ATAD2B: variants seen among roughly 807,000 people sequenced by gnomAD.
ATAD2B encodes the protein ATPase family AAA domain containing 2B, also known as ATPase family AAA domain-containing protein 2B.
Under a neutral mutation model 167.6 loss-of-function variants are expected in ATAD2B, and 40 were observed. The ratio of observed to expected loss-of-function variants is 0.24; its 90% CI spans 0.19 to 0.31. The LOEUF is 0.31. ATAD2B is among the 10% of genes least tolerant of loss of function. The pLI is 1.00. For missense variants in ATAD2B, 1,242 were observed against 1,757.2 expected, an observed-to-expected ratio of 0.71 and a Z score of 5.24; for synonymous variants, 579 against 596.5, an observed-to-expected ratio of 0.97 and a Z score of 0.43.
At chr2:23,839,018 A>G (rs1690457020) in intron 13 of ATAD2B, among the ~76,000 whole-genome samples, 1 of 152,166 alleles carries the variant, frequency 6.6e-6, no homozygotes, top group Admixed American at 6.5e-5. Context: ...TCTTAGACTT[A>G]CTCATAGAAA....
the ATAD2B span, among the ~76,000 whole-genome samples, chr2:23,722,016 T>A: frequency 2.0e-5 from 3 of 152,350 alleles, no homozygotes; most frequent in African/African-American, 7.2e-5. Context: ...AGAAACTATA[T>A]GAGGACTACA....
Position 23,751,725 on chromosome 2 carries a change from G to A in ATAD2B, c.*321C>T. On this transcript the variant is annotated 3_prime_UTR_variant, in exon 28 of 28. Coordinates refer to ENST00000238789, the MANE Select transcript of ATAD2B (RefSeq NM_017552.4). ...GTTTGCTGGTCTGCTCCCTAAGAGA[G>A]GAGTCTCCAAAAGAGAGTGCACAAA... 3 of 327,630 alleles carry A rather than the reference G, an allele frequency of 9.2e-6. No individual in the cohort carries two copies. The highest frequency in any genetic ancestry group is 8.7e-5 in the South Asian group (2 of 23,048). 20.3% of individuals were successfully genotyped at this position (327,630 alleles called of 1,614,324 possible). A position where few individuals can be genotyped will look rare whatever the true frequency, so the allele number is the denominator to read the frequency against.
chr2:23,823,941 C>A (rs1158584459), intron 15 of ATAD2B, among the ~76,000 whole-genome samples: 2 of 148,024 alleles, frequency 1.4e-5, no homozygotes, highest in African/African-American at 5.0e-5. Context: ...TTTTAAGAGA[C>A]AGGGTCTCAA....
intron 12 of ATAD2B, among the ~76,000 whole-genome samples, chr2:23,858,538 C>A (rs574043851): frequency 6.3e-5 from 9 of 143,264 alleles, no homozygotes; most frequent in African/African-American, 2.1e-4. Context: ...GTCACTCAGG[C>A]TTGAGTGCAG....
At chr2:23,847,609 C>T (rs1691868622) in intron 13 of ATAD2B, among the ~76,000 whole-genome samples, 1 of 151,778 alleles carries the variant, frequency 6.6e-6, no homozygotes, top group African/African-American at 2.4e-5. Flanking sequence ...GCCATGATCA[C>T]ACCACTGCAC....
chr2:23,768,275 C>T (rs1677753994), intron 22 of ATAD2B, among the ~76,000 whole-genome samples: 2 of 152,050 alleles, frequency 1.3e-5, no homozygotes, highest in South Asian at 2.1e-4. Flanking sequence ...TGATCGTGCC[C>T]GTAGTCAAAG....
chr2:23,910,591 G>C (rs542231371), intron 1 of ATAD2B, among the ~76,000 whole-genome samples: 13 of 151,932 alleles, frequency 8.6e-5, no homozygotes, highest in African/African-American at 2.7e-4. Context: ...GTGTCAGCTG[G>C]GTGCAGTGGC....
At chr2:23,860,640 T>C (rs887752403) in intron 12 of ATAD2B, among the ~76,000 whole-genome samples, 2 of 152,214 alleles carry the variant, frequency 1.3e-5, no homozygotes, top group Non-Finnish European at 2.9e-5. Context: ...CTGAGTGATA[T>C]GCACTAAACT....
At chr2:23,817,114 C>A (rs1314504328) in intron 17 of ATAD2B, among the ~76,000 whole-genome samples, 1 of 152,152 alleles carries the variant, frequency 6.6e-6, no homozygotes, top group East Asian at 1.9e-4. Context: ...GGCCTTAATT[C>A]TAAAGTGTAT....
intron 14 of ATAD2B, among the ~76,000 whole-genome samples, chr2:23,831,127 G>A (rs899464575): frequency 3.4e-4 from 51 of 152,028 alleles, no homozygotes; most frequent in Admixed American, 1.2e-3. Flanking sequence ...ATGGCAAACC[G>A]AATAGTAAGT....
At chr2:23,870,912 ATAATACT>A (rs1695867949) in intron 8 of ATAD2B, among the ~76,000 whole-genome samples, 1 of 152,188 alleles carries the variant, frequency 6.6e-6, no homozygotes, top group African/African-American at 2.4e-5. Context: ...CGAAGGAAAA[ATAATACT>A]TAATGAATGC....
At position 23,757,732 on chromosome 2, in the gene ATAD2B, T is replaced by A. The variant is rs751908095; in HGVS notation, c.3764A>T (p.Gln1255Leu). ...VNSSSSLNPEQTSRKETFLKG... is the reference protein window; with the variant it reads ...VNSSSSLNPELTSRKETFLKG... The stretch of plus-strand genomic sequence containing the variant: ...AAGGAAAGTCTCTTTCCTGGAGGTC[T>A]GCTCCGGGTTTAAGGAACTGCTGCT... The change falls in exon 25 of 28, where the codon CAG (glutamine) becomes CTG (leucine). Residue 1255 changes from glutamine (Q) to leucine (L), a missense_variant. Around this residue, in one of 9 missense-constraint regions of ATAD2B, gnomAD observed 282 missense variants for 346.8 expected, o/e 0.81. Transcript: ENST00000238789. 1 of 1,608,442 alleles carries A rather than the reference T, an allele frequency of 6.2e-7. No individual in the cohort carries two copies. Among genetic ancestry groups the A allele is most frequent in the Non-Finnish European group, 8.5e-7 (1 of 1,178,120 alleles).
chr2:23,701,064 T>A, the ATAD2B span, among the ~76,000 whole-genome samples: 1 of 152,204 alleles, frequency 6.6e-6, no homozygotes, highest in Non-Finnish European at 1.5e-5. Context: ...TCCAATCTGT[T>A]GCCCACAAAT....
At chr2:23,803,005 C>T (rs897469797) in intron 18 of ATAD2B, among the ~76,000 whole-genome samples, 1 of 152,056 alleles carries the variant, frequency 6.6e-6, no homozygotes, top group Non-Finnish European at 1.5e-5. Flanking sequence ...TGAAACCTCT[C>T]TAATAATTAA....
At chr2:23,754,520 A>G (rs1451100160) in intron 26 of ATAD2B, 127 bp downstream of exon 26, 1 of 1,257,548 alleles carries the variant, frequency 8.0e-7, no homozygotes, top group Non-Finnish European at 1.1e-6. Flanking sequence ...ACTCTTTTTT[A>G]CTAGGAGCTC....
At chr2:23,806,010 C>A (rs987689866) in intron 18 of ATAD2B, among the ~76,000 whole-genome samples, 3 of 152,110 alleles carry the variant, frequency 2.0e-5, no homozygotes, top group African/African-American at 7.2e-5. Flanking sequence ...TACAAATATA[C>A]TTTTTCCCAG....
At chr2:23,776,421 C>T (rs529560845) in intron 22 of ATAD2B, among the ~76,000 whole-genome samples, 4 of 152,200 alleles carry the variant, frequency 2.6e-5, no homozygotes, top group Non-Finnish European at 4.4e-5. Flanking sequence ...AAATTTGATA[C>T]TAAGAGGTCA....
intron 14 of ATAD2B, among the ~76,000 whole-genome samples, chr2:23,831,637 C>T (rs184132224): frequency 6.6e-6 from 1 of 152,306 alleles, no homozygotes; most frequent in East Asian, 1.9e-4. Flanking sequence ...CTTCCCCAGA[C>T]TCCCCACATC....
intron 17 of ATAD2B, among the ~76,000 whole-genome samples, chr2:23,816,971 A>G (rs1419143966): frequency 6.6e-6 from 1 of 152,170 alleles, no homozygotes; most frequent in Non-Finnish European, 1.5e-5. Flanking sequence ...GTGACTGAAA[A>G]CCAGCACTAA....
Sources: allele counts gnomAD v4.1 joint callset (sites outside exome capture counted in the v4.1 genomes callset), GRCh38; gene constraint gnomAD v4.1.1; regional missense constraint gnomAD v4.1.1; transcripts MANE v1.5; gene names NCBI Gene and HGNC (gene_info 2026-07-23, HGNC 2026-07-21).